FKBP5: variants seen among roughly 807,000 people sequenced by gnomAD.
FKBP5 encodes the protein FKBP prolyl isomerase 5.
FKBP5 carries 23 observed loss-of-function variants against 50.5 expected under a neutral mutation model. The observed-to-expected ratio is 0.46, with a 90% CI of 0.33 to 0.65. The LOEUF is 0.65. Ranked by LOEUF, FKBP5 falls within the 30% of genes least tolerant of loss-of-function variation. The probability of loss-of-function intolerance (pLI) is 0.02; values close to 1 mark genes in which losing one functional copy is unlikely to be tolerated. For missense variants in FKBP5, 411 were observed against 553.1 expected (o/e 0.74, Z 2.58); for synonymous variants, 176 against 190.6 (o/e 0.92, Z 0.63).
chr6:35,636,500 C>T (rs1764312836), intron 3 of FKBP5, among the ~76,000 whole-genome samples: 1 of 152,132 alleles, frequency 6.6e-6, no homozygotes, highest in Non-Finnish European at 1.5e-5. Flanking sequence ...AGACAACCAT[C>T]ATACTTTGGG....
chr6:35,668,933 A>C (rs1581868009), intron 1 of FKBP5, among the ~76,000 whole-genome samples: 1 of 152,122 alleles, frequency 6.6e-6, no homozygotes, highest in East Asian at 1.9e-4. Context: ...TTCCTCTGAT[A>C]ATTTTTTTTT....
chr6:35,580,235 G>C lies in FKBP5; in HGVS notation c.841-14C>G, dbSNP rs769766452. 1 of 1,604,856 alleles carries C rather than the reference G, an allele frequency of 6.2e-7. No individual in the cohort carries two copies. The highest frequency in any genetic ancestry group is 8.5e-7 in the Non-Finnish European group (1 of 1,173,960). On this transcript the variant is annotated splice_polypyrimidine_tract_variant and intron_variant, in intron 8 of 10. Coordinates refer to ENST00000357266, the MANE Select transcript of FKBP5 (RefSeq NM_004117.4). ...GTATTTGCCTCCCTAGGATAAAAAA[G>C]CGTCATTACTTGTACTCAGCTCTTG...
rs1763532258 is a variant in FKBP5 at position 35,612,873 on chromosome 6, G to C, written c.508+6223C>G. On this transcript the variant is annotated intron_variant, in intron 5 of 10. Coordinates refer to ENST00000357266, the MANE Select transcript of FKBP5 (RefSeq NM_004117.4). Reference sequence around the variant, plus strand: ...TTGTGGGAACTACAATTCAAGACGAGATTTGGGTAGGCACACAGCCAAACC... The same window carrying C: ...TTGTGGGAACTACAATTCAAGACGACATTTGGGTAGGCACACAGCCAAACC... Among the ~76,000 whole-genome samples, 2 of 152,238 alleles carry C rather than the reference G, an allele frequency of 1.3e-5. 1 individual carries two copies. The highest frequency in any genetic ancestry group is 4.8e-5 in the African/African-American group (2 of 41,456).
rs1762176811 is a variant in FKBP5, at chr6:35,575,261, C to G, written c.*574G>C. 6.5e-6 allele frequency: 1 copy of G among 152,702 alleles called. No individual in the cohort carries two copies. 9.5% of individuals were successfully genotyped at this position (152,702 alleles called of 1,614,324 possible). Reference sequence around the variant, plus strand: ...CAGCAAGCAAGTGGCCTCTGAGGTTCTGGCTTTCACGTCTGTGACACTGCT... The same window carrying G: ...CAGCAAGCAAGTGGCCTCTGAGGTTGTGGCTTTCACGTCTGTGACACTGCT... On this transcript the variant is annotated 3_prime_UTR_variant, in exon 11 of 11. Transcript: ENST00000357266.
rs1054000958 is a variant in FKBP5, at chr6:35,725,672, G to C, written c.-241+2836C>G. Among the ~76,000 whole-genome samples, 3 of 152,092 alleles carry C rather than the reference G, an allele frequency of 2.0e-5. No individual in the cohort carries two copies. The South Asian group carries it at 6.2e-4, about 31-fold the overall frequency. On this transcript the variant is annotated intron_variant, in intron 1 of 11. Coordinates refer to the FKBP5 transcript ENST00000536438. Reference sequence around the variant, plus strand: ...GTTGGGGAGCCCAAGTGGAAGATGGGGAGATGAGAGCAGGGGTAACTGACA... The same window carrying C: ...GTTGGGGAGCCCAAGTGGAAGATGGCGAGATGAGAGCAGGGGTAACTGACA...
At chr6:35,604,229 G>A (rs892607045) in intron 5 of FKBP5, among the ~76,000 whole-genome samples, 8 of 152,012 alleles carry the variant, frequency 5.3e-5, no homozygotes, top group African/African-American at 1.9e-4. Flanking sequence ...GGCTGGTCTT[G>A]TACTCCTGGC....
At chr6:35,628,934 C>T (rs1168908365) in intron 3 of FKBP5, among the ~76,000 whole-genome samples, 3 of 152,306 alleles carry the variant, frequency 2.0e-5, no homozygotes, top group Middle Eastern at 3.4e-3. Flanking sequence ...CCAGGCTGGT[C>T]TTGAACTTCT....
chr6:35,619,149 G>A lies in FKBP5; in HGVS notation c.455C>T (p.Thr152Ile). The A allele has an allele frequency of 6.2e-7, 1 of 1,613,612 alleles. No homozygotes were observed. Among genetic ancestry groups the A allele is most frequent in the Non-Finnish European group, 8.5e-7 (1 of 1,179,808 alleles). ...LFEDGGIIRR[T>I]KRKGEGYSNP... ...TGAATATCCCTCTCCTTTCCGTTTG[G>A]TTCTCCGGATAATGCCTCCATCTTC... is the stretch of plus-strand genomic sequence containing the variant. The change falls in exon 5 of 11, where the codon ACC becomes ATC. Residue 152 changes from threonine to isoleucine, a missense_variant. Physicochemically the swap from Thr to Ile is moderately conservative, Grantham distance 89. Around this residue, in one of 3 missense-constraint regions of FKBP5, gnomAD observed 267 missense variants for 405.9 expected, o/e 0.66. Transcript: ENST00000357266.
At chr6:35,622,036 T>C (rs1763860486) in intron 3 of FKBP5, among the ~76,000 whole-genome samples, 1 of 152,080 alleles carries the variant, frequency 6.6e-6, no homozygotes, top group Admixed American at 6.6e-5. Context: ...AGATAAGAGA[T>C]GAACCCCAGA....
chr6:35,613,526 T>C (rs1763556750), intron 5 of FKBP5, among the ~76,000 whole-genome samples: 1 of 152,106 alleles, frequency 6.6e-6, no homozygotes, highest in Admixed American at 6.5e-5. Flanking sequence ...TAGTTCCAGG[T>C]TTTATATCTG....
chr6:35,591,177 G>C lies in FKBP5; in HGVS notation c.709C>G (p.Pro237Ala). 2 of 1,613,102 alleles carry C rather than the reference G, an allele frequency of 1.2e-6. No individual in the cohort carries two copies. Among genetic ancestry groups the C allele is most frequent in the Admixed American group, 1.7e-5 (1 of 59,946 alleles). The change falls in exon 7 of 11, where the codon CCT (proline) becomes GCT (alanine). Residue 237 changes from proline to alanine, a missense_variant. This residue lies in a region of FKBP5 where 267 missense variants were observed against 405.9 expected (regional missense o/e 0.66). Coordinates refer to ENST00000357266, the MANE Select transcript of FKBP5 (RefSeq NM_004117.4). ...ACTTCATATATAAGCTCAGCATTAG[G>C]TTCAATGCCAAATTTAGGCTTCCCT... ...EAGKPKFGIE[P>A]NAELIYEVTL...
At chr6:35,623,191 G>A (rs376323086) in intron 3 of FKBP5, among the ~76,000 whole-genome samples, 5 of 152,204 alleles carry the variant, frequency 3.3e-5, no homozygotes, top group African/African-American at 9.7e-5. Flanking sequence ...TCGGTGAGCC[G>A]AGATAGCGCC....
At chr6:35,623,496 C>T (rs1183899195) in intron 3 of FKBP5, among the ~76,000 whole-genome samples, 1 of 152,012 alleles carries the variant, frequency 6.6e-6, no homozygotes, top group East Asian at 1.9e-4. Context: ...AATGTAAATT[C>T]CTGGAAGTGC....
chr6:35,581,287 T>A (rs1358273195), intron 8 of FKBP5: 11 of 307,762 alleles, frequency 3.6e-5, no homozygotes, highest in Non-Finnish European at 4.6e-5. Flanking sequence ...ATATATATAA[T>A]ATATATATAT....
intron 8 of FKBP5, chr6:35,584,483 C>T: frequency 2.0e-6 from 2 of 985,460 alleles, no homozygotes; most frequent in Non-Finnish European, 2.4e-6. Context: ...AAATGCATAA[C>T]ATGCCAAGTC....
intron 1 of FKBP5, among the ~76,000 whole-genome samples, chr6:35,657,071 C>T (rs1447916313): frequency 1.4e-5 from 2 of 147,236 alleles, no homozygotes; most frequent in South Asian, 4.3e-4. Flanking sequence ...AAAAACTAGC[C>T]GGGAGTGGTG....
At chr6:35,720,060 T>C (rs764621299) in intron 2 of FKBP5, among the ~76,000 whole-genome samples, 43 of 152,180 alleles carry the variant, frequency 2.8e-4, no homozygotes, top group Non-Finnish European at 5.4e-4. Flanking sequence ...AGTTGGGGGC[T>C]AGGGCGGGGT....
chr6:35,587,189 G>C (rs1561845448), intron 7 of FKBP5, 72 bp from the exon 8 acceptor site: 1 of 1,348,842 alleles, frequency 7.4e-7, no homozygotes, highest in Non-Finnish European at 1.1e-6. Flanking sequence ...TTGGAACAAA[G>C]AGCAGCTAAT....
At chr6:35,722,251 T>G (rs1292769602) in intron 1 of FKBP5, among the ~76,000 whole-genome samples, 1 of 151,782 alleles carries the variant, frequency 6.6e-6, no homozygotes, top group Non-Finnish European at 1.5e-5. Flanking sequence ...CTCTGTGGGG[T>G]TTAATGACCC....
Sources: allele counts gnomAD v4.1 joint callset (sites outside exome capture counted in the v4.1 genomes callset), GRCh38; gene constraint gnomAD v4.1.1; regional missense constraint gnomAD v4.1.1; transcripts MANE v1.5; gene names NCBI Gene and HGNC (gene_info 2026-07-23, HGNC 2026-07-21).